Variants in COL4A2 observed in about 807,000 individuals in gnomAD.
COL4A2 encodes the protein collagen type IV alpha 2 chain, also known as collagen alpha-2(IV) chain.
A neutral mutation model predicts 200.2 loss-of-function variants in COL4A2; 99 were observed. That is an observed-to-expected ratio of 0.49 (90% CI 0.42 to 0.58). The LOEUF (loss-of-function observed/expected upper bound fraction) is 0.58. COL4A2 is among the 20% of genes least tolerant of loss of function. The pLI, the probability that COL4A2 is intolerant of heterozygous loss-of-function variation, is 0.00. For missense variants in COL4A2, 1,950 were observed against 2,314.1 expected, an observed-to-expected ratio of 0.84 and a Z score of 3.23; for synonymous variants, 897 against 900.6, an observed-to-expected ratio of 1.00 and a Z score of 0.07.
At chr13:110,387,085 A>C (rs573384899) in intron 4 of COL4A2, among the ~76,000 whole-genome samples, 2 of 152,270 alleles carry the variant, frequency 1.3e-5, no homozygotes, top group South Asian at 4.2e-4. Context: ...TAAAAATACA[A>C]AAAGTTAGCT....
intron 4 of COL4A2, among the ~76,000 whole-genome samples, chr13:110,414,845 T>C (rs1330253505): frequency 6.6e-6 from 1 of 152,244 alleles, no homozygotes; most frequent in Non-Finnish European, 1.5e-5. Context: ...GAAGGAAATA[T>C]TCTTTTATCC....
intron 3 of COL4A2, among the ~76,000 whole-genome samples, chr13:110,335,012 G>A (rs1729149974): frequency 1.3e-5 from 2 of 152,124 alleles, no homozygotes; most frequent in African/African-American, 2.4e-5. Flanking sequence ...CTATCTCTCT[G>A]TCCCTCACCT....
intron 31 of COL4A2, among the ~76,000 whole-genome samples, chr13:110,481,112 G>A (rs71441620): frequency 2.9e-3 from 53 of 18,390 alleles, no homozygotes; most frequent in African/African-American, 5.9e-3. Flanking sequence ...CTGTCCTTCC[G>A]TTGCTGGAGA....
chr13:110,480,263 T>C lies in COL4A2; in HGVS notation c.2631T>C (p.Pro877=), dbSNP rs1309637542. The C allele has an allele frequency of 6.2e-7, 1 of 1,613,418 alleles. No individual in the cohort carries two copies. The highest frequency in any genetic ancestry group is 8.5e-7 in the Non-Finnish European group (1 of 1,179,696). The change falls in exon 31 of 48, where the codon CCT becomes CCC. Residue 877 remains proline, a synonymous_variant. Coordinates refer to ENST00000360467, the MANE Select transcript of COL4A2 (RefSeq NM_001846.4). ...GGGACCCTGGGGACACAGGCGCTCC[T>C]GGCCCTGTGGGCATGAAAGGTCTCT... The part of the protein sequence containing the change: ...DRGDPGDTGA[P]GPVGMKGLSG...
intron 4 of COL4A2, among the ~76,000 whole-genome samples, chr13:110,359,566 G>T (rs1159162230): frequency 6.6e-6 from 1 of 152,172 alleles, no homozygotes; most frequent in Non-Finnish European, 1.5e-5. Flanking sequence ...CAGCCCTTGG[G>T]TGTCCAAATG....
chr13:110,440,095 T>A (rs186133116), intron 16 of COL4A2, among the ~76,000 whole-genome samples: 2 of 152,216 alleles, frequency 1.3e-5, no homozygotes, highest in African/African-American at 4.8e-5. Flanking sequence ...CCATGGTTTC[T>A]ATATCGTCCA....
Position 110,481,983 on chromosome 13 carries a change from T to A in COL4A2, c.2759-533T>A, listed in dbSNP as rs554917498. 2.6e-5 allele frequency among the ~76,000 whole-genome samples: 4 copies of A among 151,636 alleles called. No homozygotes were observed. The South Asian group carries it at 8.3e-4, about 31-fold the overall frequency. On this transcript the variant is annotated intron_variant, in intron 31 of 47. Transcript: ENST00000360467. ...ACACACTGTTCTGTCCTTCCGTTGC[T>A]GGAGACACATTGGTCGGTCCTTCCA...
At chr13:110,432,981 A>C (rs1330954816) in intron 11 of COL4A2, among the ~76,000 whole-genome samples, 1 of 152,260 alleles carries the variant, frequency 6.6e-6, no homozygotes, top group East Asian at 1.9e-4. Flanking sequence ...AAGACAAACG[A>C]ATGCAGTTGA....
At chr13:110,336,448 G>T (rs1271628929) in intron 3 of COL4A2, among the ~76,000 whole-genome samples, 2 of 152,198 alleles carry the variant, frequency 1.3e-5, no homozygotes, top group Non-Finnish European at 2.9e-5. Context: ...TGGGAGGTGG[G>T]ATAACAATAG....
At chr13:110,349,816 T>G (rs1876874166) in intron 3 of COL4A2, among the ~76,000 whole-genome samples, 1 of 151,906 alleles carries the variant, frequency 6.6e-6, no homozygotes, top group Non-Finnish European at 1.5e-5. Context: ...CAGGCTGGAG[T>G]GCAGTAGCAC....
At chr13:110,431,333 C>CTT (rs1566529227) in intron 10 of COL4A2, among the ~76,000 whole-genome samples, 1 of 152,156 alleles carries the variant, frequency 6.6e-6, no homozygotes, top group East Asian at 1.9e-4. Context: ...ACACCAGTTC[C>CTT]TTGACAGATA....
chr13:110,489,891 C>A (rs1883229901), intron 36 of COL4A2, 106 bp downstream of exon 36: 5 of 1,215,800 alleles, frequency 4.1e-6, no homozygotes, highest in Non-Finnish European at 5.8e-6. Flanking sequence ...CCAGAAAGCA[C>A]TTGATAGTGA....
At position 110,383,678 on chromosome 13, in the gene COL4A2, C is replaced by T. The variant is rs773447260; in HGVS notation, c.180+26126C>T. On this transcript the variant is annotated intron_variant, in intron 4 of 47. Transcript: ENST00000360467. The stretch of plus-strand genomic sequence containing the variant: ...TCACCCAGGTTTGAGTGCAGTGGCA[C>T]GATCTCAGCTCACTGCAACCTCTAC... 9.2e-4 allele frequency among the ~76,000 whole-genome samples: 130 copies of T among 140,612 alleles called. 1 individual carries two copies. Among genetic ancestry groups the T allele is most frequent in the Middle Eastern group, 8.1e-3 (2 of 248 alleles). The allele number at this position is 140,612 out of a possible 152,430, so 92.2% of individuals were successfully genotyped here.
chr13:110,491,335 A>G lies in COL4A2; in HGVS notation c.3449A>G (p.Gln1150Arg), dbSNP rs1404554201. 6.3e-7 allele frequency: 1 copy of G among 1,578,374 alleles called. No homozygotes were observed. The highest frequency in any genetic ancestry group is 8.6e-7 in the Non-Finnish European group (1 of 1,159,760). The change falls in exon 37 of 48, where the codon CAA becomes CGA. Residue 1150 changes from glutamine (Q) to arginine (R), a missense_variant. By Grantham distance (43) the Gln-to-Arg change is conservative. Transcript: ENST00000360467. ...CAAGGCCCTCCTGGACTTAAAGGAC[A>G]AACAGGTAAAATCTCCCGCAGCCAC... ...GVQGPPGLKG[Q>R]TGFPGLTGPP... is the part of the protein sequence containing the mutation.
At position 110,422,979 on chromosome 13, in the gene COL4A2, C is replaced by T. The variant is rs999240579; in HGVS notation, c.181-1755C>T. On this transcript the variant is annotated intron_variant, in intron 4 of 47. Transcript: ENST00000360467. ...TGAAGACAGACACGTCTCAGCTGAA[C>T]AGTTTACCTAGGAAGTTACCTAGAG... 1.2e-4 allele frequency among the ~76,000 whole-genome samples: 18 copies of T among 152,238 alleles called. No individual in the cohort carries two copies. In the South Asian group the frequency reaches 2.1e-3, roughly 18 times the overall value.
chr13:110,405,967 T>C (rs1048553287), intron 4 of COL4A2, among the ~76,000 whole-genome samples: 2 of 152,216 alleles, frequency 1.3e-5, no homozygotes, highest in Admixed American at 1.3e-4. Context: ...CATGTTCTGA[T>C]GAATCCCGAT....
chr13:110,456,093 G>C (rs927925434), intron 20 of COL4A2, among the ~76,000 whole-genome samples: 1 of 152,198 alleles, frequency 6.6e-6, no homozygotes, highest in Non-Finnish European at 1.5e-5. Context: ...GTGCGATGGC[G>C]CGCTCTTTGC....
At chr13:110,327,712 C>A (rs530760056) in intron 3 of COL4A2, among the ~76,000 whole-genome samples, 1 of 152,306 alleles carries the variant, frequency 6.6e-6, no homozygotes, top group East Asian at 1.9e-4. Context: ...TAAAATCCCC[C>A]CAACAGCTCC....
At chr13:110,439,236 G>C (rs1211557950) in intron 15 of COL4A2, among the ~76,000 whole-genome samples, 1 of 152,198 alleles carries the variant, frequency 6.6e-6, no homozygotes, top group Non-Finnish European at 1.5e-5. Flanking sequence ...CCCAGGAAGA[G>C]AAAGCAGAAT....
Sources: allele counts gnomAD v4.1 joint callset (sites outside exome capture counted in the v4.1 genomes callset), GRCh38; gene constraint gnomAD v4.1.1; transcripts MANE v1.5; gene names NCBI Gene and HGNC (gene_info 2026-07-23, HGNC 2026-07-21).